PFDN1: variants seen among roughly 807,000 people sequenced by gnomAD.
PFDN1 encodes the protein prefoldin subunit 1, also known as prefoldin 1.
PFDN1 carries 6 observed loss-of-function variants against 17.3 expected under a neutral mutation model. The ratio of observed to expected loss-of-function variants is 0.35; its 90% CI spans 0.19 to 0.69. The LOEUF (loss-of-function observed/expected upper bound fraction) is 0.69, where lower values mean the gene tolerates loss of function less well. PFDN1 is among the 30% of genes least tolerant of loss of function. PFDN1 has a pLI of 0.65. For missense variants in PFDN1, 113 were observed against 146.2 expected, an observed-to-expected ratio of 0.77 and a Z score of 1.17; for synonymous variants, 58 against 50.1, an observed-to-expected ratio of 1.16 and a Z score of -0.67.
chr5:140,271,853 G>A, intron 3 of PFDN1, among the ~76,000 whole-genome samples: 1 of 151,208 alleles, frequency 6.6e-6, no homozygotes. Flanking sequence ...AAGAAGTGAG[G>A]CAAAAAAATA....
intron 3 of PFDN1, among the ~76,000 whole-genome samples, chr5:140,247,955 T>C (rs1452302976): frequency 6.6e-6 from 1 of 152,016 alleles, no homozygotes; most frequent in African/African-American, 2.4e-5. Flanking sequence ...AACCATTCAA[T>C]CCAATGCCTG....
At chr5:140,276,237 A>G (rs930030747) in intron 3 of PFDN1, among the ~76,000 whole-genome samples, 3 of 152,188 alleles carry the variant, frequency 2.0e-5, no homozygotes, top group African/African-American at 7.2e-5. Context: ...GATTTACTCA[A>G]CTGGTGAGAG....
At chr5:140,281,026 C>T (rs1765389326) in intron 3 of PFDN1, 1 of 155,044 alleles carries the variant, frequency 6.4e-6, no homozygotes, top group African/African-American at 2.4e-5. Context: ...AAAGAAATTA[C>T]AATGTGTAAA....
At chr5:140,249,661 A>G (rs1372157387) in intron 3 of PFDN1, among the ~76,000 whole-genome samples, 2 of 152,194 alleles carry the variant, frequency 1.3e-5, no homozygotes, top group Non-Finnish European at 2.9e-5. Context: ...ATGGTGCAGC[A>G]TCTGCTTCTG....
At chr5:140,262,671 G>A (rs1031932470) in intron 3 of PFDN1, 7 of 375,254 alleles carry the variant, frequency 1.9e-5, no homozygotes, top group Non-Finnish European at 2.8e-5. Flanking sequence ...TATCAAACAC[G>A]GAATGAAAAG....
At chr5:140,264,332 G>A (rs1471152481) in intron 3 of PFDN1, among the ~76,000 whole-genome samples, 1 of 152,028 alleles carries the variant, frequency 6.6e-6, no homozygotes, top group Non-Finnish European at 1.5e-5. Context: ...CAAACACTAA[G>A]TATGTCATTT....
chr5:140,285,854 G>A (rs904402807), intron 2 of PFDN1, among the ~76,000 whole-genome samples: 1 of 151,860 alleles, frequency 6.6e-6, no homozygotes, highest in Non-Finnish European at 1.5e-5. Context: ...AAACCAAGGG[G>A]GCAGCCAGGC....
intron 3 of PFDN1, among the ~76,000 whole-genome samples, chr5:140,253,857 G>A (rs991443257): frequency 1.3e-5 from 2 of 152,156 alleles, no homozygotes; most frequent in African/African-American, 2.4e-5. Context: ...CAGCAGCATC[G>A]GGATCACCTG....
At chr5:140,302,631 A>G (rs548252499) in intron 1 of PFDN1, among the ~76,000 whole-genome samples, 2 of 152,326 alleles carry the variant, frequency 1.3e-5, no homozygotes, top group East Asian at 3.9e-4. Context: ...CAAAGGTTGG[A>G]CTTGGAGTTT....
At chr5:140,267,575 G>T (rs994228635) in intron 3 of PFDN1, among the ~76,000 whole-genome samples, 2 of 152,172 alleles carry the variant, frequency 1.3e-5, no homozygotes, top group Admixed American at 6.5e-5. Context: ...ATGGCACCAT[G>T]TTCTTTTTGC....
intron 3 of PFDN1, among the ~76,000 whole-genome samples, chr5:140,246,313 T>C (rs944406144): frequency 1.3e-5 from 2 of 152,334 alleles, no homozygotes; most frequent in South Asian, 4.1e-4. Flanking sequence ...AGTAGCACTC[T>C]TCCCCCAGAA....
chr5:140,282,195 TAAAAAAAA>T (rs34012371), intron 2 of PFDN1: 2 of 124,282 alleles, frequency 1.6e-5, no homozygotes, highest in African/African-American at 6.1e-5. Flanking sequence ...TTAAAAACAT[TAAAAAAAA>T]AAAAAAAAAG....
At chr5:140,280,389 C>T (rs1264059482) in intron 3 of PFDN1, among the ~76,000 whole-genome samples, 5 of 152,168 alleles carry the variant, frequency 3.3e-5, no homozygotes, top group African/African-American at 1.2e-4. Context: ...TAAAATAGGA[C>T]ACAACAACAA....
At chr5:140,265,664 T>G (rs1284866929) in intron 3 of PFDN1, 1 of 152,134 alleles carries the variant, frequency 6.6e-6, no homozygotes, top group African/African-American at 2.4e-5. Flanking sequence ...GAAACATTGA[T>G]CTATGAATAA....
chr5:140,298,570 G>T (rs1011167705), intron 2 of PFDN1, among the ~76,000 whole-genome samples: 35 of 151,380 alleles, frequency 2.3e-4, no homozygotes, highest in African/African-American at 8.3e-4. Flanking sequence ...TCTGCTTACA[G>T]AATATGAAGC....
chr5:140,255,418 G>A (rs1225567464), intron 3 of PFDN1, among the ~76,000 whole-genome samples: 4 of 152,242 alleles, frequency 2.6e-5, no homozygotes, highest in African/African-American at 4.8e-5. Flanking sequence ...AACCCTGGCC[G>A]AGAATATCAC....
chr5:140,292,115 A>G (rs2126699425), intron 2 of PFDN1, among the ~76,000 whole-genome samples: 1 of 152,298 alleles, frequency 6.6e-6, no homozygotes, highest in Non-Finnish European at 1.5e-5. Flanking sequence ...TTGGTATTCT[A>G]AGTATTCTGG....
chr5:140,296,368 A>G lies in PFDN1; in HGVS notation c.200+4048T>C, dbSNP rs79843170. Among the ~76,000 whole-genome samples the G allele has an allele frequency of 8.0e-3, 1,225 of 152,308 alleles. 17 individuals carry two copies. The highest frequency in any genetic ancestry group is 0.028 in the African/African-American group (1,173 of 41,560). On this transcript the variant is annotated intron_variant, in intron 2 of 3. Transcript: ENST00000261813. ...CTGAGAATGAGGAAACAAAGATAAT[A>G]TATATACATGGTCTCCCAGAGCTGA...
chr5:140,299,319 T>C (rs767643164), intron 2 of PFDN1, among the ~76,000 whole-genome samples: 1 of 152,184 alleles, frequency 6.6e-6, no homozygotes, highest in African/African-American at 2.4e-5. Context: ...GAAATGTACT[T>C]TGAGGCCAGG....
Sources: gnomAD v4.1 joint callset for allele counts (sites outside exome capture counted in the v4.1 genomes callset) on GRCh38, gnomAD v4.1.1 for gene constraint, MANE v1.5 for transcripts, NCBI Gene and HGNC (gene_info 2026-07-23, HGNC 2026-07-21) for gene names.